Variants in ZMYND11 observed in about 807,000 individuals in gnomAD.
ZMYND11 encodes zinc finger MYND domain-containing protein 11.
A neutral mutation model predicts 84.9 loss-of-function variants in ZMYND11; 9 were observed. The ratio of observed to expected loss-of-function variants is 0.11; its 90% CI spans 0.06 to 0.18. ZMYND11 has a LOEUF of 0.18. Ranked by LOEUF, ZMYND11 falls within the 10% of genes least tolerant of loss-of-function variation. The pLI is 1.00. For synonymous variants in ZMYND11, 250 were observed against 244.1 expected (o/e 1.02, Z -0.23); for missense variants, 409 against 761.0 (o/e 0.54, Z 5.44).
chr10:169,205 C>G (rs1333461732), intron 1 of ZMYND11, among the ~76,000 whole-genome samples: 2 of 152,112 alleles, frequency 1.3e-5, no homozygotes, highest in Non-Finnish European at 2.9e-5. Flanking sequence ...TCCAGTCATC[C>G]TGTCCCACAT....
In ZMYND11 at chr10:247,480, C is replaced by T. The variant is rs1310249620; in HGVS notation, c.1227+14C>T. The T allele has an allele frequency of 3.1e-6, 5 of 1,612,886 alleles. No homozygotes were observed. The highest frequency in any genetic ancestry group is 4.2e-6 in the Non-Finnish European group (5 of 1,179,212). Reference sequence around the variant, plus strand: ...CCCAAAAAGGAAGTAAGTTGCCCACCTCGCAGTATCCAGGTGGCAAATGAA... The same window carrying T: ...CCCAAAAAGGAAGTAAGTTGCCCACTTCGCAGTATCCAGGTGGCAAATGAA... On this transcript the variant is annotated intron_variant, in intron 12 of 14. Transcript: ENST00000381604.
At position 242,110 on chromosome 10, in the gene ZMYND11, C is replaced by T. The variant is rs200657654; in HGVS notation, c.921C>T (p.Asp307=). The T allele has an allele frequency of 1.6e-4, 255 of 1,614,016 alleles. No homozygotes were observed. Among genetic ancestry groups the T allele is most frequent in the Middle Eastern group, 4.9e-4 (3 of 6,062 alleles). Residue 307 remains aspartate, a synonymous_variant, in exon 10 of 15, where the codon GAC becomes GAT. Coordinates refer to ENST00000381604, the MANE Select transcript of ZMYND11 (RefSeq NM_001370100.5). ...TGCAGAAAGAAGACAATCAAGTCGA[C>T]GTTCGCTTCTTTGGCCACCACCACC... The part of the protein sequence containing the change: ...KVMQKEDNQV[D]VRFFGHHHQR...
intron 3 of ZMYND11, among the ~76,000 whole-genome samples, chr10:215,515 ATAT>A (rs1206028378): frequency 3.3e-5 from 5 of 150,250 alleles, no homozygotes; most frequent in Non-Finnish European, 5.9e-5. Flanking sequence ...TGCACGCATG[ATAT>A]TATACTACTT....
At position 235,363 on chromosome 10, in the gene ZMYND11, T is replaced by TA. The variant is rs530921811; in HGVS notation, c.439-1474dup. On this transcript the variant is annotated intron_variant, in intron 4 of 14. Transcript: ENST00000381604. ...TTTAAATTCAGTTAAGTTCTTCTGT[T>TA]AGTTTTCAAACAGAGAATTCTCAAG... Among the ~76,000 whole-genome samples the TA allele has an allele frequency of 3.3e-3, 496 of 152,242 alleles. 5 individuals carry two copies. The highest frequency in any genetic ancestry group is 0.011 in the African/African-American group (450 of 41,530).
At chr10:185,507 AAAG>A (rs1283778717) in intron 2 of ZMYND11, among the ~76,000 whole-genome samples, 1 of 147,766 alleles carries the variant, frequency 6.8e-6, no homozygotes, top group Non-Finnish European at 1.5e-5. Context: ...AAAAAAAAAA[AAAG>A]CGTGGTGGGG....
At chr10:215,851 C>T (rs1217613261) in intron 3 of ZMYND11, among the ~76,000 whole-genome samples, 2 of 152,004 alleles carry the variant, frequency 1.3e-5, no homozygotes, top group East Asian at 3.9e-4. Context: ...AGCCACCATG[C>T]CTACACCTTT....
intron 1 of ZMYND11, among the ~76,000 whole-genome samples, chr10:168,382 AG>A (rs1564304941): frequency 6.6e-6 from 1 of 152,062 alleles, no homozygotes; most frequent in Non-Finnish European, 1.5e-5. Flanking sequence ...AGGCTGAGGT[AG>A]GAGGATTACC....
intron 4 of ZMYND11, among the ~76,000 whole-genome samples, chr10:225,664 C>T (rs1280154355): frequency 1.3e-5 from 2 of 151,880 alleles, no homozygotes; most frequent in Non-Finnish European, 2.9e-5. Flanking sequence ...TTTATTTTTG[C>T]TTCATTTTCA....
intron 2 of ZMYND11, 104 bp downstream of exon 2, chr10:180,232 A>G: frequency 1.4e-6 from 1 of 730,386 alleles, no homozygotes; most frequent in East Asian, 2.7e-5. Context: ...ATATATTACA[A>G]AGAACTGAAG....
chr10:187,384 C>T (rs1938924809), intron 2 of ZMYND11, among the ~76,000 whole-genome samples: 1 of 152,198 alleles, frequency 6.6e-6, no homozygotes, highest in African/African-American at 2.4e-5. Flanking sequence ...CCTGTAATCT[C>T]AGCACTTTGG....
intron 4 of ZMYND11, among the ~76,000 whole-genome samples, chr10:225,257 A>G (rs1947902436): frequency 6.6e-6 from 1 of 152,232 alleles, no homozygotes. Flanking sequence ...TCTTCAGAGT[A>G]TTATACCCAT....
chr10:207,038 T>C (rs1421368559), intron 2 of ZMYND11, among the ~76,000 whole-genome samples: 1 of 152,118 alleles, frequency 6.6e-6, no homozygotes. Context: ...CCTTCCTGTG[T>C]CCATGTGTTC....
chr10:182,404 T>C (rs1470521399), intron 2 of ZMYND11, among the ~76,000 whole-genome samples: 1 of 152,268 alleles, frequency 6.6e-6, no homozygotes, highest in Non-Finnish European at 1.5e-5. Context: ...ATGCCAAGGC[T>C]TATTTTTCTT....
rs534128221 is a variant in ZMYND11 at position 252,521 on chromosome 10, G to C, written c.*51G>C. Reference sequence around the variant, plus strand: ...GATGATTACTCTTTTCAGACACAGCGGTTTTTGTTTCCAAGAAGCCAAAAT... The same window carrying C: ...GATGATTACTCTTTTCAGACACAGCCGTTTTTGTTTCCAAGAAGCCAAAAT... On this transcript the variant is annotated 3_prime_UTR_variant, in exon 15 of 15. Transcript: ENST00000381604. The surrounding 1 kb of genome is among the most constrained non-coding windows in gnomAD (Gnocchi z 4.6). 1.3e-5 allele frequency: 20 copies of C among 1,536,232 alleles called. No individual in the cohort carries two copies. Among genetic ancestry groups the C allele is most frequent in the Admixed American group, 1.9e-5 (1 of 51,508 alleles).
chr10:158,989 T>TG (rs1289387371), intron 1 of ZMYND11, among the ~76,000 whole-genome samples: 1 of 133,354 alleles, frequency 7.5e-6, no homozygotes, highest in Non-Finnish European at 1.6e-5. Context: ...TTTTTGTTTT[T>TG]TGTTTTTTTT....
chr10:252,571 G>A lies in ZMYND11; in HGVS notation c.*101G>A. 6.8e-7 allele frequency: 1 copy of A among 1,479,552 alleles called. No individual in the cohort carries two copies. The highest frequency in any genetic ancestry group is 9.0e-7 in the Non-Finnish European group (1 of 1,116,060). The allele number at this position is 1,479,552 out of a possible 1,614,324, so 91.7% of individuals were successfully genotyped here. A position where few individuals can be genotyped will look rare whatever the true frequency, so the allele number is the denominator to read the frequency against. On this transcript the variant is annotated 3_prime_UTR_variant, in exon 15 of 15. Transcript: ENST00000381604. The surrounding 1 kb of genome is among the most constrained non-coding windows in gnomAD (Gnocchi z 4.6). ...TTGTTTAGAATTTGCTTCCCATTTT[G>A]CACCAGCCTTTAAACACTTTTCGTG...
intron 1 of ZMYND11, among the ~76,000 whole-genome samples, chr10:179,540 A>G (rs540639653): frequency 6.6e-6 from 1 of 152,290 alleles, no homozygotes; most frequent in East Asian, 1.9e-4. Flanking sequence ...TTGTTTTCAT[A>G]TATCTATGTA....
intron 1 of ZMYND11, among the ~76,000 whole-genome samples, chr10:152,149 T>C (rs1424013236): frequency 6.6e-6 from 1 of 152,192 alleles, no homozygotes; most frequent in African/African-American, 2.4e-5. Flanking sequence ...AGGAAGAAAC[T>C]GCATTAACTA....
At chr10:131,516 T>G (rs1295783969), upstream of ZMYND11, among the ~76,000 whole-genome samples, 2 of 152,130 alleles carry the variant, frequency 1.3e-5, no homozygotes, top group Non-Finnish European at 2.9e-5. Flanking sequence ...TCAATGGAAA[T>G]GGATTTCTTA....
Sources: allele counts gnomAD v4.1 joint callset (sites outside exome capture counted in the v4.1 genomes callset), GRCh38; gene constraint gnomAD v4.1.1; non-coding constraint Gnocchi (gnomAD v3.1); transcripts MANE v1.5; gene names NCBI Gene and HGNC (gene_info 2026-07-23, HGNC 2026-07-21).